The following CSRNP2 variants were observed in gnomAD, a reference collection of about 807,000 sequenced individuals.
The protein encoded by CSRNP2 is cysteine and serine rich nuclear protein 2, also known as cysteine/serine-rich nuclear protein 2.
In CSRNP2, 11 loss-of-function variants were observed where a neutral mutation model predicts 36.6. The ratio of observed to expected loss-of-function variants is 0.30; its 90% CI spans 0.19 to 0.50. The LOEUF is 0.50. CSRNP2 is among the 20% of genes least tolerant of loss of function. The pLI is 0.98. For synonymous variants in CSRNP2, 248 were observed against 275.3 expected (o/e 0.90, Z 0.98); for missense variants, 483 against 691.4 (o/e 0.70, Z 3.38).
intron 4 of CSRNP2, among the ~76,000 whole-genome samples, chr12:51,065,895 GAGTT>G (rs1938172157): frequency 1.3e-5 from 2 of 152,152 alleles, no homozygotes; most frequent in African/African-American, 2.4e-5. Context: ...AAGAAAGAGT[GAGTT>G]AGGAGAAATC....
intron 2 of CSRNP2, among the ~76,000 whole-genome samples, chr12:51,075,114 A>G (rs1001399082): frequency 2.6e-5 from 4 of 151,252 alleles, no homozygotes; most frequent in African/African-American, 9.7e-5. Context: ...ATATTTCTTT[A>G]TTTTCTTTTT....
chr12:51,070,223 G>A (rs1046522175), intron 3 of CSRNP2, among the ~76,000 whole-genome samples: 4 of 152,198 alleles, frequency 2.6e-5, no homozygotes, highest in African/African-American at 9.7e-5. Context: ...GCTGCTAAAG[G>A]AACAACTCCT....
Position 51,063,674 on chromosome 12 carries a change from G to T in CSRNP2, c.*72C>A. On this transcript the variant is annotated 3_prime_UTR_variant, in exon 5 of 5. Transcript: ENST00000228515. ...GAGCAGCAGCTGCTTCTACAGTTTTGTTTTGAAATGGTGTTAGATAAAATA... is the reference window on the plus strand; with the variant it reads ...GAGCAGCAGCTGCTTCTACAGTTTTTTTTTGAAATGGTGTTAGATAAAATA... 1 of 1,213,392 alleles carries T rather than the reference G, an allele frequency of 8.2e-7. No individual in the cohort carries two copies. The highest frequency in any genetic ancestry group is 1.1e-6 in the Non-Finnish European group (1 of 893,876). 75.2% of individuals were successfully genotyped at this position (1,213,392 alleles called of 1,614,324 possible).
intron 2 of CSRNP2, among the ~76,000 whole-genome samples, chr12:51,075,240 T>C (rs1939346636): frequency 6.6e-6 from 1 of 151,674 alleles, no homozygotes; most frequent in Admixed American, 6.6e-5. Flanking sequence ...GCCTCCAGAG[T>C]AGCTGGGACT....
In CSRNP2 at chr12:51,067,793, A is replaced by T; in HGVS notation, c.588T>A (p.Asp196Glu). 1 of 1,614,242 alleles carries T rather than the reference A, an allele frequency of 6.2e-7. No individual in the cohort carries two copies. The highest frequency in any genetic ancestry group is 8.5e-7 in the Non-Finnish European group (1 of 1,180,046). ...LLRASGVHRI[D>E]AEEKQELRAI... ...CTCGAAGTTCTTGCTTCTCTTCAGC[A>T]TCAATACGGTGGACCCCAGAAGCCC... Residue 196 changes from aspartate to glutamate, a missense_variant, in exon 4 of 5, where the codon GAT becomes GAA. This residue lies in a region of CSRNP2 where 206 missense variants were observed against 367.8 expected (regional missense o/e 0.56). Transcript: ENST00000228515. The surrounding 1 kb of genome is among the most constrained non-coding windows in gnomAD (Gnocchi z 4.1).
At chr12:51,076,732 A>C in intron 1 of CSRNP2, 85 bp from the exon 2 acceptor site, 1 of 650,074 alleles carries the variant, frequency 1.5e-6, no homozygotes, top group Non-Finnish European at 2.7e-6. Context: ...TAAAGAAAGC[A>C]CCTCACCTAG....
chr12:51,063,813 T>C lies in CSRNP2; in HGVS notation c.1565A>G (p.Lys522Arg). The C allele has an allele frequency of 1.2e-6, 2 of 1,610,400 alleles. No individual in the cohort carries two copies. Among genetic ancestry groups the C allele is most frequent in the African/African-American group, 1.3e-5 (1 of 74,874 alleles). ...TDNEEGCGMV[K>R]TSQQNEDRPP... ...CCGATCCTCATTCTGCTGGGAGGTC[T>C]TCACCATCCCACAGCCCTCTTCATT... Residue 522 changes from lysine (K) to arginine (R), a missense_variant, in exon 5 of 5, where the codon AAG (lysine) becomes AGG (arginine). Transcript: ENST00000228515.
chr12:51,076,298 A>G lies in CSRNP2; in HGVS notation c.151+113T>C, dbSNP rs1428047330. ...AAATGAGGTCCTCCAAAGAGCAAGGAAAGATGATGATTAAGGGCAAATCCC... is the reference window on the plus strand; with the variant it reads ...AAATGAGGTCCTCCAAAGAGCAAGGGAAGATGATGATTAAGGGCAAATCCC... On this transcript the variant is annotated intron_variant, in intron 2 of 4. Coordinates refer to ENST00000228515, the MANE Select transcript of CSRNP2 (RefSeq NM_030809.3). 2.6e-6 allele frequency: 3 copies of G among 1,152,146 alleles called. No homozygotes were observed. In the Admixed American group the frequency reaches 6.7e-5, roughly 26 times the overall value. 71.4% of individuals were successfully genotyped at this position (1,152,146 alleles called of 1,614,324 possible).
chr12:51,076,333 C>A (rs1939398186), intron 2 of CSRNP2, 78 bp downstream of exon 2: 1 of 1,504,116 alleles, frequency 6.6e-7, no homozygotes, highest in Non-Finnish European at 9.1e-7. Flanking sequence ...CCAAGCCACA[C>A]AGACGCTGTC....
chr12:51,071,028 G>A (rs934865048), intron 3 of CSRNP2, among the ~76,000 whole-genome samples: 2 of 152,058 alleles, frequency 1.3e-5, no homozygotes, highest in African/African-American at 2.4e-5. Flanking sequence ...TTGGGAGGCC[G>A]AGGCGGGTGG....
At chr12:51,072,562 CAAAAAAAAAAAAAAAAAA>C (rs71089741) in intron 3 of CSRNP2, among the ~76,000 whole-genome samples, 7 of 66,924 alleles carry the variant, frequency 1.0e-4, no homozygotes, top group South Asian at 1.3e-3. Flanking sequence ...GGCTCCGTCT[CAAAAAAAAAAAAAAAAAA>C]AAAAAAAAAA....
At position 51,067,637 on chromosome 12, in the gene CSRNP2, G is replaced by A; in HGVS notation, c.708+36C>T. ...CCCACACCTCACCCCGCTGACCCTG[G>A]TGTAGATATACTATCTCAGGCCAAC... On this transcript the variant is annotated intron_variant, in intron 4 of 4. Coordinates refer to ENST00000228515, the MANE Select transcript of CSRNP2 (RefSeq NM_030809.3). The surrounding 1 kb of genome is among the most constrained non-coding windows in gnomAD (Gnocchi z 4.1). 1 of 1,594,712 alleles carries A rather than the reference G, an allele frequency of 6.3e-7. No individual in the cohort carries two copies.
At chr12:51,073,649 T>C (rs1278604592) in intron 3 of CSRNP2, among the ~76,000 whole-genome samples, 174 bp downstream of exon 3, 1 of 148,376 alleles carries the variant, frequency 6.7e-6, no homozygotes, top group Non-Finnish European at 1.5e-5. Flanking sequence ...CGCTTGAACC[T>C]GGGGAGGCCG....
At chr12:51,069,688 T>C (rs1481774788) in intron 3 of CSRNP2, among the ~76,000 whole-genome samples, 1 of 148,372 alleles carries the variant, frequency 6.7e-6, no homozygotes, top group East Asian at 1.9e-4. Context: ...GGGTTTTTTT[T>C]TTTCTTTTTT....
At position 51,064,591 on chromosome 12, in the gene CSRNP2, T is replaced by C. The variant is rs560057159; in HGVS notation, c.787A>G (p.Ile263Val). 14 of 1,594,942 alleles carry C rather than the reference T, an allele frequency of 8.8e-6. No individual in the cohort carries two copies. The highest frequency in any genetic ancestry group is 3.6e-5 in the Admixed American group (2 of 55,968). Residue 263 changes from isoleucine (I) to valine (V), a missense_variant, in exon 5 of 5, where the codon ATC becomes GTC. Physicochemically the swap from Ile to Val is conservative, Grantham distance 29 (BLOSUM62 3). Transcript: ENST00000228515. The stretch of plus-strand genomic sequence containing the variant: ...TGGAGGTAATGAGTCCGGACCCGGA[T>C]TGGATTAAATTCAATGCGTCCTGCC... Reference protein sequence around the residue: ...NMAGRIEFNPIRVRTHYLHTI... With the variant: ...NMAGRIEFNPVRVRTHYLHTI...
Position 51,061,672 on chromosome 12 carries a change from A to G in CSRNP2, c.*2074T>C, listed in dbSNP as rs917227109. 2 of 152,420 alleles carry G rather than the reference A, an allele frequency of 1.3e-5. No homozygotes were observed. Among genetic ancestry groups the G allele is most frequent in the Non-Finnish European group, 1.5e-5 (1 of 68,032 alleles). The allele number at this position is 152,420 out of a possible 1,614,324, so 9.4% of individuals were successfully genotyped here. ...TAAGAAACTACAGGTTTTCAGAAAC[A>G]TATCTTGTGGGTTGGCAATGAGCTT... is the stretch of plus-strand genomic sequence containing the variant. On this transcript the variant is annotated 3_prime_UTR_variant, in exon 5 of 5. Transcript: ENST00000228515.
In CSRNP2 at chr12:51,076,137, T is replaced by C. The variant is rs532534225; in HGVS notation, c.151+274A>G. On this transcript the variant is annotated intron_variant, in intron 2 of 4. Transcript: ENST00000228515. ...CTACAGCTACAATTTCCTGGAACTCTCTGGGACTCTGGTGGGGGCAGGGTA... is the reference window on the plus strand; with the variant it reads ...CTACAGCTACAATTTCCTGGAACTCCCTGGGACTCTGGTGGGGGCAGGGTA... 2.0e-5 allele frequency among the ~76,000 whole-genome samples: 3 copies of C among 152,324 alleles called. No homozygotes were observed. In the South Asian group the frequency reaches 6.2e-4, roughly 32 times the overall value.
chr12:51,079,341 C>T (rs1939522088), intron 1 of CSRNP2, among the ~76,000 whole-genome samples: 1 of 151,360 alleles, frequency 6.6e-6, no homozygotes, highest in Non-Finnish European at 1.5e-5. Flanking sequence ...GCACATATAC[C>T]CTAGAACTTA....
In CSRNP2 at chr12:51,076,439, G is replaced by A. The variant is rs907505719; in HGVS notation, c.123C>T (p.Leu41=). 6.2e-7 allele frequency: 1 copy of A among 1,614,078 alleles called. No individual in the cohort carries two copies. Among genetic ancestry groups the A allele is most frequent in the East Asian group, 2.2e-5 (1 of 44,870 alleles). Residue 41 remains leucine, a synonymous_variant, in exon 2 of 5, where the codon CTC becomes CTT. Transcript: ENST00000228515. ...SSDSADSCDS[L]NPPTTASFTP... Reference sequence around the variant, plus strand: ...TGAAGCTGGCAGTGGTAGGAGGATTGAGGCTGTCGCAGCTGTCAGCACTAT... The same window carrying A: ...TGAAGCTGGCAGTGGTAGGAGGATTAAGGCTGTCGCAGCTGTCAGCACTAT...
Sources: gnomAD v4.1 joint callset for allele counts (sites outside exome capture counted in the v4.1 genomes callset) on GRCh38, gnomAD v4.1.1 for gene constraint, gnomAD v4.1.1 regional missense constraint, Gnocchi (gnomAD v3.1) non-coding constraint, MANE v1.5 for transcripts, NCBI Gene and HGNC (gene_info 2026-07-23, HGNC 2026-07-21) for gene names.